Variants in DMGDH observed in about 807,000 individuals in gnomAD.
DMGDH encodes the protein dimethylglycine dehydrogenase, mitochondrial.
Under a neutral mutation model 95.2 loss-of-function variants are expected in DMGDH, and 76 were observed. The ratio of observed to expected loss-of-function variants is 0.80; its 90% CI spans 0.66 to 0.97. The LOEUF is 0.97. Among genes scored for constraint, DMGDH ranks in the 50% least tolerant of loss-of-function variants. The probability of loss-of-function intolerance (pLI) is 0.00; values close to 1 mark genes in which losing one functional copy is unlikely to be tolerated. For synonymous variants in DMGDH, 345 were observed against 377.6 expected (o/e 0.91, Z 1.00); for missense variants, 987 against 1,055.0 (o/e 0.94, Z 0.89).
intron 5 of DMGDH, among the ~76,000 whole-genome samples, chr5:79,046,150 G>A (rs181283835): frequency 0.018 from 2,812 of 152,134 alleles, 45 homozygotes; most frequent in South Asian, 0.076. Context: ...GCAGTGGCAC[G>A]ATCTTGGCTC....
intron 5 of DMGDH, among the ~76,000 whole-genome samples, chr5:79,049,092 G>A (rs1193230241): frequency 2.6e-5 from 4 of 152,200 alleles, no homozygotes; most frequent in Middle Eastern, 3.4e-3. Context: ...AGGCTCGTAC[G>A]AGACAAGCTG....
At chr5:79,028,306 G>T in intron 12 of DMGDH, 127 bp downstream of exon 12, 1 of 792,552 alleles carries the variant, frequency 1.3e-6, no homozygotes, top group Non-Finnish European at 2.0e-6. Flanking sequence ...ACAAAAGTGA[G>T]TGTGAGTGTG....
At chr5:79,046,734 G>A (rs1336195310) in intron 5 of DMGDH, among the ~76,000 whole-genome samples, 3 of 152,124 alleles carry the variant, frequency 2.0e-5, no homozygotes, top group Non-Finnish European at 4.4e-5. Context: ...TGTCAGGACT[G>A]TGTACAAAAA....
intron 14 of DMGDH, chr5:79,021,341 T>C: frequency 1.8e-6 from 2 of 1,124,236 alleles, no homozygotes; most frequent in South Asian, 4.3e-5. Flanking sequence ...CCATCAGGAG[T>C]ATATCTTTAA....
At position 79,063,635 on chromosome 5, in the gene DMGDH, G is replaced by T. The variant is rs766903693; in HGVS notation, c.254C>A (p.Thr85Lys). The T allele has an allele frequency of 1.9e-6, 3 of 1,614,200 alleles. No individual in the cohort carries two copies. The South Asian group carries it at 3.3e-5, about 18-fold the overall frequency. ...DVVLLEKSEL[T>K]AGSTWHAAGL... ...TACTGCGTGCCAGGTAGATCCAGCC[G>T]TGAGCTCTGATTTCTCCAGCAGGAC... Residue 85 changes from threonine to lysine, a missense_variant, in exon 2 of 16, where the codon ACG becomes AAG. Transcript: ENST00000255189.
chr5:79,006,958 G>T (rs779932028), intron 14 of DMGDH, among the ~76,000 whole-genome samples: 4 of 152,128 alleles, frequency 2.6e-5, no homozygotes, highest in Non-Finnish European at 4.4e-5. Context: ...GGAAGTTAGA[G>T]AAAGTTTCCA....
intron 1 of DMGDH, among the ~76,000 whole-genome samples, chr5:79,064,059 A>C (rs1364608702): frequency 1.3e-5 from 2 of 152,094 alleles, no homozygotes; most frequent in African/African-American, 2.4e-5. Context: ...TTTTCAAAGA[A>C]TCTAGAGAAC....
intron 2 of DMGDH, among the ~76,000 whole-genome samples, chr5:79,057,719 C>T (rs1038278223): frequency 2.2e-4 from 34 of 152,170 alleles, no homozygotes; most frequent in Non-Finnish European, 3.7e-4. Flanking sequence ...AATAGAGAAT[C>T]TCTGGCCTTC....
rs574196521 is a variant in DMGDH, at chr5:79,019,306, C to CT, written c.2250+4964dup. 1.8e-4 allele frequency among the ~76,000 whole-genome samples: 28 copies of CT among 152,290 alleles called. No homozygotes were observed. In the East Asian group the frequency reaches 4.8e-3, roughly 26 times the overall value. On this transcript the variant is annotated intron_variant, in intron 14 of 15. Transcript: ENST00000255189. ...ACCTGTAGCCTAGCTGGAATAGGCT[C>CT]TAGATCTATTAATTTACATCCTTTC... is the stretch of plus-strand genomic sequence containing the variant.
intron 14 of DMGDH, among the ~76,000 whole-genome samples, chr5:79,006,816 G>C (rs1427189610): frequency 1.3e-5 from 2 of 150,104 alleles, no homozygotes; most frequent in Non-Finnish European, 3.0e-5. Flanking sequence ...AGAAGCAGCA[G>C]CAGGGGTCCT....
At chr5:79,005,740 C>T (rs1025004015) in intron 14 of DMGDH, among the ~76,000 whole-genome samples, 14 of 152,264 alleles carry the variant, frequency 9.2e-5, no homozygotes, top group African/African-American at 2.9e-4. Context: ...GACAGTGGTA[C>T]GGGCTGTCGG....
At chr5:79,033,147 C>A in intron 8 of DMGDH, 92 bp downstream of exon 8, 1 of 1,520,710 alleles carries the variant, frequency 6.6e-7, no homozygotes, top group Non-Finnish European at 9.1e-7. Context: ...CTACCGCCAT[C>A]CCAGTGAATA....
intron 7 of DMGDH, among the ~76,000 whole-genome samples, chr5:79,038,250 G>A (rs1754404070): frequency 6.6e-6 from 1 of 152,096 alleles, no homozygotes; most frequent in Admixed American, 6.5e-5. Context: ...TTGGGGGGTC[G>A]AGGTGGGTGG....
chr5:79,049,124 T>G (rs1754763076), intron 5 of DMGDH, among the ~76,000 whole-genome samples: 1 of 152,194 alleles, frequency 6.6e-6, no homozygotes, highest in Admixed American at 6.5e-5. Flanking sequence ...CTCCTTTCCC[T>G]GCCCTCCTGC....
intron 4 of DMGDH, among the ~76,000 whole-genome samples, chr5:79,052,192 T>C (rs1580223106): frequency 1.3e-5 from 2 of 152,228 alleles, no homozygotes; most frequent in South Asian, 2.1e-4. Context: ...CTGTTTTATA[T>C]GTTACTGAAT....
At chr5:79,022,963 C>T (rs1753904199) in intron 14 of DMGDH, among the ~76,000 whole-genome samples, 1 of 152,142 alleles carries the variant, frequency 6.6e-6, no homozygotes, top group South Asian at 2.1e-4. Flanking sequence ...TAGGGTCTGC[C>T]CAAATTCCAA....
chr5:79,035,283 T>C (rs1171020449), intron 7 of DMGDH, among the ~76,000 whole-genome samples: 1 of 152,174 alleles, frequency 6.6e-6, no homozygotes, highest in Non-Finnish European at 1.5e-5. Context: ...GTACCATTTT[T>C]GAGAGCTATA....
At chr5:79,060,077 C>A (rs1402894091) in intron 2 of DMGDH, among the ~76,000 whole-genome samples, 10 of 152,202 alleles carry the variant, frequency 6.6e-5, no homozygotes, top group Admixed American at 6.5e-4. Context: ...GCGTAGTCAA[C>A]CTTGAAATCA....
At chr5:79,041,040 T>C (rs1424029500) in intron 7 of DMGDH, among the ~76,000 whole-genome samples, 1 of 152,256 alleles carries the variant, frequency 6.6e-6, no homozygotes, top group South Asian at 2.1e-4. Context: ...TCTCTCTCCA[T>C]GTCTCCAACA....
Sources: gnomAD v4.1 joint callset for allele counts (sites outside exome capture counted in the v4.1 genomes callset) on GRCh38, gnomAD v4.1.1 for gene constraint, MANE v1.5 for transcripts, NCBI Gene and HGNC (gene_info 2026-07-23, HGNC 2026-07-21) for gene names.